THOC1: variants seen among roughly 807,000 people sequenced by gnomAD.
THOC1 encodes THO complex subunit 1.
THOC1 carries 29 observed loss-of-function variants against 97.3 expected under a neutral mutation model. The observed-to-expected ratio is 0.30, with a 90% CI of 0.22 to 0.41. The LOEUF is 0.41. THOC1 is among the 10% of genes least tolerant of loss of function. THOC1 has a pLI of 1.00. For missense variants in THOC1, 529 were observed against 761.9 expected (o/e 0.69, Z 3.60); for synonymous variants, 255 against 257.0 (o/e 0.99, Z 0.07).
In THOC1 at chr18:215,345, G is replaced by C. The variant is rs3737344; in HGVS notation, c.1678+84C>G. 0.029 allele frequency: 29,253 copies of C among 1,026,320 alleles called. 3,381 individuals are homozygous for C. In the East Asian group the frequency reaches 0.37, roughly 13 times the overall value. 63.6% of individuals were successfully genotyped at this position (1,026,320 alleles called of 1,614,324 possible). A position where few individuals can be genotyped will look rare whatever the true frequency, so the allele number is the denominator to read the frequency against. ...ATAAAATGGGAGAAGTTGAGAAGTC[G>C]ATCAAATTAAATAATGTACCTATCA... On this transcript the variant is annotated intron_variant, in intron 20 of 20. Transcript: ENST00000261600.
At chr18:223,998 A>G (rs1211579712) in intron 16 of THOC1, 86 bp downstream of exon 16, 4 of 980,938 alleles carry the variant, frequency 4.1e-6, no homozygotes, top group South Asian at 1.4e-5. Context: ...ATCTCATACT[A>G]TATTTTGGAT....
chr18:244,624 T>C (rs1383602363), intron 11 of THOC1: 1 of 152,232 alleles, frequency 6.6e-6, no homozygotes, highest in Non-Finnish European at 1.5e-5. Context: ...TAGTGGCTTT[T>C]AGGTTTTCTC....
chr18:218,846 T>C (rs766761017), intron 18 of THOC1, 40 bp downstream of exon 18: 35 of 1,510,196 alleles, frequency 2.3e-5, no homozygotes, highest in Non-Finnish European at 3.6e-6. Context: ...AAGAAACAAA[T>C]TGAAGAAAAT....
intron 15 of THOC1, among the ~76,000 whole-genome samples, chr18:224,695 TA>T (rs1486661239): frequency 6.6e-6 from 1 of 151,990 alleles, no homozygotes; most frequent in African/African-American, 2.4e-5. Context: ...TTCTTCTCAA[TA>T]ATAAGATGTT....
At chr18:215,211 T>C (rs1251895625) in intron 20 of THOC1, among the ~76,000 whole-genome samples, 1 of 152,182 alleles carries the variant, frequency 6.6e-6, no homozygotes, top group African/African-American at 2.4e-5. Flanking sequence ...GTATTTTCAT[T>C]CCCTTTTAAA....
chr18:215,747 G>C (rs1910859448), intron 19 of THOC1: 1 of 440,690 alleles, frequency 2.3e-6, no homozygotes. Flanking sequence ...CTGGGAAGCA[G>C]GAAGTCAGTA....
At chr18:263,935 ATAGG>A in intron 4 of THOC1, 87 bp downstream of exon 4, 1 of 972,828 alleles carries the variant, frequency 1.0e-6, no homozygotes, top group Non-Finnish European at 1.5e-6. Context: ...ACAAAATCAG[ATAGG>A]TGGAGAAGTA....
rs74692123 is a variant in THOC1 at position 234,502 on chromosome 18, G to C, written c.919-7601C>G. Among the ~76,000 whole-genome samples, 1,440 of 151,906 alleles carry C rather than the reference G, an allele frequency of 9.5e-3. 17 individuals are homozygous for C. The highest frequency in any genetic ancestry group is 0.04 in the Admixed American group (614 of 15,246). Reference sequence around the variant, plus strand: ...TATTAGATTTTATTGAATTTTCTTGGCTTCTGAGATGATCATACAGATCTT... The same window carrying C: ...TATTAGATTTTATTGAATTTTCTTGCCTTCTGAGATGATCATACAGATCTT... On this transcript the variant is annotated intron_variant, in intron 11 of 20. Coordinates refer to ENST00000261600, the MANE Select transcript of THOC1 (RefSeq NM_005131.3).
intron 6 of THOC1, 26 bp downstream of exon 6, chr18:259,656 A>C (rs769022725): frequency 1.2e-5 from 18 of 1,513,358 alleles, no homozygotes; most frequent in Admixed American, 2.1e-5. Flanking sequence ...CTTAAAAAGC[A>C]ATCATTTTAT....
intron 18 of THOC1, 48 bp downstream of exon 18, chr18:218,838 G>A (rs1567841750): frequency 6.8e-7 from 1 of 1,480,136 alleles, no homozygotes; most frequent in Non-Finnish European, 9.2e-7. Context: ...TCCTAAGGAA[G>A]AAACAAATTG....
chr18:258,090 G>A (rs950819620), intron 7 of THOC1, among the ~76,000 whole-genome samples: 2 of 151,782 alleles, frequency 1.3e-5, no homozygotes, highest in Non-Finnish European at 2.9e-5. Flanking sequence ...AAAACCAAAG[G>A]AGAAAAAAAA....
chr18:218,822 C>T, intron 18 of THOC1, 64 bp downstream of exon 18: 2 of 1,392,274 alleles, frequency 1.4e-6, no homozygotes, highest in Non-Finnish European at 2.0e-6. Flanking sequence ...CTAGTATACA[C>T]ACAATTCCTA....
chr18:238,059 T>C (rs1234913134), intron 11 of THOC1, among the ~76,000 whole-genome samples: 1 of 152,048 alleles, frequency 6.6e-6, no homozygotes, highest in Non-Finnish European at 1.5e-5. Flanking sequence ...GAGATGGGGT[T>C]TCACCATGTT....
intron 11 of THOC1, among the ~76,000 whole-genome samples, chr18:237,376 C>G (rs1163130529): frequency 1.3e-5 from 2 of 151,994 alleles, no homozygotes; most frequent in Non-Finnish European, 2.9e-5. Context: ...AGGCTGATCT[C>G]AAACTCCTGG....
At chr18:266,928 TATG>T (rs1183389641) in intron 1 of THOC1, among the ~76,000 whole-genome samples, 2 of 152,056 alleles carry the variant, frequency 1.3e-5, no homozygotes, top group South Asian at 2.1e-4. Context: ...AGAAAATGAT[TATG>T]ATGACATACA....
intron 11 of THOC1, among the ~76,000 whole-genome samples, chr18:230,820 T>C (rs1933596456): frequency 6.6e-6 from 1 of 152,196 alleles, no homozygotes; most frequent in African/African-American, 2.4e-5. Flanking sequence ...ACTGCAGCCT[T>C]GAACTCAGGG....
At chr18:220,668 A>G (rs1911044967) in intron 17 of THOC1, among the ~76,000 whole-genome samples, 1 of 152,128 alleles carries the variant, frequency 6.6e-6, no homozygotes, top group African/African-American at 2.4e-5. Flanking sequence ...GTCTTCTCAG[A>G]GGTTTATTAA....
chr18:267,860 A>C, intron 1 of THOC1, 106 bp downstream of exon 1: 1 of 1,190,306 alleles, frequency 8.4e-7, no homozygotes. Context: ...TGAGGCGGAC[A>C]CACCTCTGTC....
At chr18:261,678 T>C (rs945850789) in intron 4 of THOC1, among the ~76,000 whole-genome samples, 1 of 152,196 alleles carries the variant, frequency 6.6e-6, no homozygotes, top group Admixed American at 6.5e-5. Flanking sequence ...ATACTTAGAT[T>C]CAATGATATT....
Sources: gnomAD v4.1 joint callset for allele counts (sites outside exome capture counted in the v4.1 genomes callset) on GRCh38, gnomAD v4.1.1 for gene constraint, MANE v1.5 for transcripts, NCBI Gene and HGNC (gene_info 2026-07-23, HGNC 2026-07-21) for gene names.